Variants in IMMP2L observed in about 807,000 individuals in gnomAD.
IMMP2L encodes the protein inner mitochondrial membrane peptidase subunit 2, also known as mitochondrial inner membrane protease subunit 2.
IMMP2L carries 18 observed loss-of-function variants against 19.3 expected under a neutral mutation model. That is an observed-to-expected ratio of 0.93 (90% confidence interval 0.64 to 1.38). The LOEUF is 1.38. IMMP2L is among the 40% of genes most tolerant of loss of function. IMMP2L has a pLI of 0.00. For missense variants in IMMP2L, 233 were observed against 218.2 expected (o/e 1.07, Z -0.43); for synonymous variants, 76 against 73.0 (o/e 1.04, Z -0.21).
intron 5 of IMMP2L, among the ~76,000 whole-genome samples, chr7:110,823,792 C>A (rs375383275): frequency 3.3e-5 from 5 of 152,160 alleles, no homozygotes; most frequent in African/African-American, 1.2e-4. Flanking sequence ...TTTAAAGTTG[C>A]TCAGAGATAA....
At chr7:111,077,625 A>C (rs1795528450) in intron 3 of IMMP2L, among the ~76,000 whole-genome samples, 1 of 152,186 alleles carries the variant, frequency 6.6e-6, no homozygotes, top group Admixed American at 6.5e-5. Flanking sequence ...ACCTGCCTCT[A>C]ACCAATTCTC....
At chr7:111,012,260 T>C (rs1490750797) in intron 3 of IMMP2L, among the ~76,000 whole-genome samples, 2 of 152,166 alleles carry the variant, frequency 1.3e-5, no homozygotes, top group African/African-American at 4.8e-5. Context: ...ACAATGCAAT[T>C]ATTTCCATTA....
chr7:111,155,535 G>C (rs1338904235), intron 3 of IMMP2L, among the ~76,000 whole-genome samples: 1 of 151,888 alleles, frequency 6.6e-6, no homozygotes, highest in African/African-American at 2.4e-5. Flanking sequence ...TGCCAATGTG[G>C]TCAATAAAAA....
chr7:111,328,162 T>C (rs1825514898), intron 3 of IMMP2L, among the ~76,000 whole-genome samples: 1 of 151,758 alleles, frequency 6.6e-6, no homozygotes, highest in African/African-American at 2.4e-5. Flanking sequence ...AAAACAGCTC[T>C]CTCAGAGTAT....
chr7:111,221,457 C>T (rs1326828041), intron 3 of IMMP2L, among the ~76,000 whole-genome samples: 1 of 151,830 alleles, frequency 6.6e-6, no homozygotes, highest in East Asian at 1.9e-4. Flanking sequence ...ACAAAAACTA[C>T]AGACTTCCTA....
intron 3 of IMMP2L, among the ~76,000 whole-genome samples, chr7:111,253,616 TC>T (rs778830513): frequency 1.1e-4 from 17 of 152,174 alleles, no homozygotes; most frequent in Non-Finnish European, 1.6e-4. Flanking sequence ...AGGAAATTCC[TC>T]TAAGTGTTTT....
At chr7:110,873,930 G>C (rs1022632483) in intron 5 of IMMP2L, among the ~76,000 whole-genome samples, 1 of 152,038 alleles carries the variant, frequency 6.6e-6, no homozygotes, top group Non-Finnish European at 1.5e-5. Context: ...TCTTAAGGAG[G>C]GGCTACTACT....
At chr7:111,044,192 G>T (rs1162584204) in intron 3 of IMMP2L, among the ~76,000 whole-genome samples, 1 of 152,144 alleles carries the variant, frequency 6.6e-6, no homozygotes, top group African/African-American at 2.4e-5. Context: ...ATATATTATG[G>T]AATAGGATAA....
At chr7:111,445,782 T>A (rs1429491207) in intron 3 of IMMP2L, among the ~76,000 whole-genome samples, 1 of 152,116 alleles carries the variant, frequency 6.6e-6, no homozygotes, top group East Asian at 1.9e-4. Context: ...TTTCTGCATT[T>A]CCATCTGAGG....
At chr7:110,999,330 GTT>G (rs71151823) in intron 3 of IMMP2L, among the ~76,000 whole-genome samples, 19,302 of 128,652 alleles carry the variant, frequency 0.15, 2,565 homozygotes, top group African/African-American at 0.37. Flanking sequence ...ATTTTCCATG[GTT>G]TTTTTTTTTG....
intron 3 of IMMP2L, among the ~76,000 whole-genome samples, chr7:111,201,550 TA>T (rs901699404): frequency 2.0e-5 from 3 of 151,492 alleles, no homozygotes; most frequent in East Asian, 1.9e-4. Flanking sequence ...AACTCATCTC[TA>T]AAAAAAATAC....
At chr7:111,335,533 A>C (rs1004842988) in intron 3 of IMMP2L, among the ~76,000 whole-genome samples, 1 of 152,166 alleles carries the variant, frequency 6.6e-6, no homozygotes, top group Non-Finnish European at 1.5e-5. Flanking sequence ...GAACATGAAG[A>C]TATCTCCAAG....
intron 5 of IMMP2L, among the ~76,000 whole-genome samples, chr7:110,712,474 C>T (rs1198765929): frequency 3.7e-5 from 1 of 27,218 alleles, no homozygotes; most frequent in Non-Finnish European, 8.5e-5. Flanking sequence ...TTTGTCTGTG[C>T]CCTGCCCCCA....
At chr7:110,806,800 G>A (rs1433723166) in intron 5 of IMMP2L, among the ~76,000 whole-genome samples, 5 of 151,826 alleles carry the variant, frequency 3.3e-5, no homozygotes, top group Non-Finnish European at 5.9e-5. Flanking sequence ...AGTCAGAAAA[G>A]GTGATATGAA....
At chr7:110,670,713 AC>A (rs369922060) in intron 5 of IMMP2L, among the ~76,000 whole-genome samples, 16 of 149,612 alleles carry the variant, frequency 1.1e-4, no homozygotes, top group Admixed American at 2.7e-4. Flanking sequence ...AACAAAAAAA[AC>A]AAAAAAAACC....
At chr7:111,549,115 C>A (rs1437747927) in intron 1 of IMMP2L, among the ~76,000 whole-genome samples, 1 of 152,100 alleles carries the variant, frequency 6.6e-6, no homozygotes, top group African/African-American at 2.4e-5. Context: ...CTCAGATGCT[C>A]CTAAATAACC....
At chr7:110,879,375 G>A (rs540829284) in intron 5 of IMMP2L, among the ~76,000 whole-genome samples, 3 of 140,428 alleles carry the variant, frequency 2.1e-5, no homozygotes, top group Non-Finnish European at 3.0e-5. Context: ...GTGGAAGAGC[G>A]AGAATCTATC....
chr7:111,257,362 TAA>T (rs758389509), intron 3 of IMMP2L, among the ~76,000 whole-genome samples: 149 of 152,232 alleles, frequency 9.8e-4, no homozygotes, highest in Admixed American at 4.5e-3. Context: ...GTTACTAAAT[TAA>T]ACATTTTCCG....
At chr7:111,450,387 A>G (rs561204498) in intron 3 of IMMP2L, among the ~76,000 whole-genome samples, 5 of 152,178 alleles carry the variant, frequency 3.3e-5, no homozygotes, top group Non-Finnish European at 7.4e-5. Context: ...AACAGAACAG[A>G]GCCCTCAAAT....
Sources: allele counts gnomAD v4.1 joint callset (sites outside exome capture counted in the v4.1 genomes callset), GRCh38; gene constraint gnomAD v4.1.1; transcripts MANE v1.5; gene names NCBI Gene and HGNC (gene_info 2026-07-23, HGNC 2026-07-21).